APBB2: variants seen among roughly 807,000 people sequenced by gnomAD.
APBB2 encodes the protein Fe65-like 1.
In APBB2, 38 loss-of-function variants were observed where a neutral mutation model predicts 82.5. That is an observed-to-expected ratio of 0.46 (90% CI 0.36 to 0.60). The LOEUF is 0.60. Ranked by LOEUF, APBB2 falls within the 20% of genes least tolerant of loss-of-function variation. APBB2 has a pLI of 0.00. For synonymous variants in APBB2, 341 were observed against 368.2 expected (o/e 0.93, Z 0.85); for missense variants, 772 against 972.3 (o/e 0.79, Z 2.74).
intron 2 of APBB2, among the ~76,000 whole-genome samples, chr4:41,125,142 CA>C (rs1754005196): frequency 6.6e-6 from 1 of 152,170 alleles, no homozygotes. Flanking sequence ...CCACAAGCTA[CA>C]AAATTTGCTG....
At chr4:40,955,778 CTTTTTT>C (rs987700215) in intron 6 of APBB2, among the ~76,000 whole-genome samples, 2 of 147,438 alleles carry the variant, frequency 1.4e-5, no homozygotes, top group African/African-American at 2.5e-5. Flanking sequence ...TTTTCTTTTT[CTTTTTT>C]TTTTTCTTTG....
chr4:41,207,090 T>C (rs1356160179), intron 1 of APBB2, among the ~76,000 whole-genome samples: 5 of 150,528 alleles, frequency 3.3e-5, no homozygotes, highest in East Asian at 3.9e-4. Flanking sequence ...TTCCAACTAC[T>C]TGGGTAGCTG....
chr4:41,034,665 T>C (rs1429464007), intron 4 of APBB2, among the ~76,000 whole-genome samples: 4 of 152,220 alleles, frequency 2.6e-5, no homozygotes, highest in African/African-American at 9.7e-5. Context: ...GTGAAGAATA[T>C]GCATAGCAAA....
At chr4:40,982,696 C>T (rs1799409591) in intron 6 of APBB2, among the ~76,000 whole-genome samples, 3 of 151,508 alleles carry the variant, frequency 2.0e-5, no homozygotes, top group South Asian at 2.1e-4. Flanking sequence ...GAGGCTGAGG[C>T]GGGAGGATCA....
chr4:41,096,604 T>C (rs1743550248), intron 3 of APBB2, among the ~76,000 whole-genome samples: 1 of 152,240 alleles, frequency 6.6e-6, no homozygotes, highest in Non-Finnish European at 1.5e-5. Flanking sequence ...AATTAAACAT[T>C]TGTAATTTGT....
At chr4:41,199,097 CT>C (rs2154074979) in intron 1 of APBB2, among the ~76,000 whole-genome samples, 1 of 152,248 alleles carries the variant, frequency 6.6e-6, no homozygotes, top group East Asian at 1.9e-4. Context: ...TGCAAAAACC[CT>C]TTTCAAAATA....
intron 6 of APBB2, among the ~76,000 whole-genome samples, 187 bp from the exon 7 acceptor site, chr4:40,945,260 G>A (rs1034113804): frequency 6.6e-6 from 1 of 152,030 alleles, no homozygotes; most frequent in Non-Finnish European, 1.5e-5. Context: ...CAGGTAATAT[G>A]GAAACAAGTA....
chr4:40,944,852 C>T lies in APBB2; in HGVS notation c.1044+13G>A. 1 of 1,611,530 alleles carries T rather than the reference C, an allele frequency of 6.2e-7. No homozygotes were observed. The highest frequency in any genetic ancestry group is 1.3e-5 in the African/African-American group (1 of 74,962). On this transcript the variant is annotated intron_variant, in intron 7 of 17. Coordinates refer to ENST00000508593, the MANE Select transcript of APBB2 (RefSeq NM_004307.2). The stretch of plus-strand genomic sequence containing the variant: ...CTATTCTACTAAGCTGGTAAAAAGA[C>T]ACTCCGTTTTACCTCGTTCTCTGGG...
intron 2 of APBB2, among the ~76,000 whole-genome samples, chr4:41,130,436 C>A (rs1755642115): frequency 6.6e-6 from 1 of 152,078 alleles, no homozygotes. Context: ...CTCCTTGCTG[C>A]TTGCCCTAAT....
At chr4:40,838,626 G>A (rs1185804029) in intron 12 of APBB2, among the ~76,000 whole-genome samples, 1 of 150,870 alleles carries the variant, frequency 6.6e-6, no homozygotes, top group African/African-American at 2.4e-5. Context: ...TGAGCCACGC[G>A]CCTTGCCAAT....
chr4:40,900,224 C>T (rs536748169), intron 10 of APBB2, among the ~76,000 whole-genome samples: 12 of 152,146 alleles, frequency 7.9e-5, no homozygotes, highest in African/African-American at 1.2e-4. Flanking sequence ...ACTGTGTATT[C>T]GCGATGATAA....
chr4:41,192,168 G>C (rs1774625644), intron 1 of APBB2, among the ~76,000 whole-genome samples: 1 of 152,200 alleles, frequency 6.6e-6, no homozygotes, highest in African/African-American at 2.4e-5. Flanking sequence ...GGAGAAAAGG[G>C]AACGTTTGTA....
intron 1 of APBB2, among the ~76,000 whole-genome samples, chr4:41,200,957 C>T (rs1776545522): frequency 6.6e-6 from 1 of 152,164 alleles, no homozygotes; most frequent in South Asian, 2.1e-4. Context: ...TCATCTAGTG[C>T]AACTCTAGCT....
intron 3 of APBB2, among the ~76,000 whole-genome samples, chr4:41,079,470 G>A (rs1433836181): frequency 6.6e-6 from 1 of 152,132 alleles, no homozygotes; most frequent in African/African-American, 2.4e-5. Context: ...GAGAAACATG[G>A]GGGAAGGTTA....
intron 10 of APBB2, among the ~76,000 whole-genome samples, chr4:40,895,616 C>T (rs906611987): frequency 5.9e-5 from 9 of 152,194 alleles, no homozygotes; most frequent in African/African-American, 1.7e-4. Flanking sequence ...TTTATGAAAA[C>T]GCACAATTGT....
rs114141456 is a variant in APBB2 at position 41,188,114 on chromosome 4, T to G, written c.-417+26291A>C. Reference sequence around the variant, plus strand: ...ATAGGTGCTTTTAGTTATGTATCTTTCTATTCTAGGGGAACATGTGGAGGT... The same window carrying G: ...ATAGGTGCTTTTAGTTATGTATCTTGCTATTCTAGGGGAACATGTGGAGGT... On this transcript the variant is annotated intron_variant, in intron 1 of 17. Coordinates refer to ENST00000508593, the MANE Select transcript of APBB2 (RefSeq NM_004307.2). Among the ~76,000 whole-genome samples, 541 of 152,304 alleles carry G rather than the reference T, an allele frequency of 3.6e-3. 3 individuals are homozygous for G. The highest frequency in any genetic ancestry group is 0.013 in the African/African-American group (525 of 41,568).
intron 12 of APBB2, among the ~76,000 whole-genome samples, chr4:40,864,606 G>A (rs1200469233): frequency 6.6e-6 from 1 of 152,150 alleles, no homozygotes; most frequent in Admixed American, 6.5e-5. Context: ...AGATTCCGAA[G>A]CCCTAGGCAG....
rs116244441 is a variant in APBB2, at chr4:40,996,016, G to C, written c.835+17567C>G. On this transcript the variant is annotated intron_variant, in intron 6 of 17. Transcript: ENST00000508593. The stretch of plus-strand genomic sequence containing the variant: ...GGTTTTAGAGCCTCTTAGCTAGATT[G>C]TTGGCCACAGTTATTTCACTGAGGT... 8.1e-3 allele frequency among the ~76,000 whole-genome samples: 1,230 copies of C among 152,292 alleles called. 20 individuals are homozygous for C. Among genetic ancestry groups the C allele is most frequent in the African/African-American group, 0.027 (1,115 of 41,558 alleles).
chr4:41,101,825 G>A (rs914651553), intron 2 of APBB2, among the ~76,000 whole-genome samples: 1 of 151,964 alleles, frequency 6.6e-6, no homozygotes, highest in African/African-American at 2.4e-5. Flanking sequence ...CAGGCGTGGT[G>A]GCATGCGCCT....
Sources: allele counts gnomAD v4.1 joint callset (sites outside exome capture counted in the v4.1 genomes callset), GRCh38; gene constraint gnomAD v4.1.1; transcripts MANE v1.5; gene names NCBI Gene and HGNC (gene_info 2026-07-23, HGNC 2026-07-21).